The following POLK variants were observed in gnomAD, a reference collection of about 807,000 sequenced individuals.
POLK encodes DNA polymerase kappa, also known as polymerase (DNA directed) kappa.
A neutral mutation model predicts 94.0 loss-of-function variants in POLK; 76 were observed. That is an observed-to-expected ratio of 0.81 (90% CI 0.67 to 0.98). The LOEUF is 0.98. Among genes scored for constraint, POLK ranks in the 50% least tolerant of loss-of-function variants. POLK has a pLI of 0.00. For synonymous variants in POLK, 349 were observed against 325.4 expected (o/e 1.07, Z -0.78); for missense variants, 954 against 1,010.1 (o/e 0.94, Z 0.75).
chr5:75,579,768 G>A (rs1054891933), intron 6 of POLK, among the ~76,000 whole-genome samples: 2 of 151,880 alleles, frequency 1.3e-5, no homozygotes, highest in East Asian at 1.9e-4. Flanking sequence ...GCTTATTGGC[G>A]AGGCAAGGTG....
chr5:75,587,750 G>C (rs1347176440), intron 10 of POLK, among the ~76,000 whole-genome samples: 1 of 152,110 alleles, frequency 6.6e-6, no homozygotes, highest in East Asian at 1.9e-4. Context: ...GCAAAACCCT[G>C]ACTCTACTAA....
the POLK span, among the ~76,000 whole-genome samples, chr5:75,606,607 C>T: frequency 3.4e-5 from 5 of 148,942 alleles, no homozygotes; most frequent in South Asian, 2.2e-4. Flanking sequence ...CATCCTGCAC[C>T]GCCCTTAATC....
downstream of POLK, among the ~76,000 whole-genome samples, chr5:75,601,844 G>A (rs1292958410): frequency 6.6e-6 from 1 of 152,086 alleles, no homozygotes; most frequent in Non-Finnish European, 1.5e-5. Context: ...GATTGTGTGA[G>A]TCAATTTTCC....
In POLK at chr5:75,581,470, G is replaced by A. The variant is rs574167182; in HGVS notation, c.934+22G>A. The A allele has an allele frequency of 1.9e-6, 3 of 1,598,392 alleles. No individual in the cohort carries two copies. The South Asian group carries it at 3.3e-5, about 18-fold the overall frequency. ...GCAGGTATTTAAAAGAGTATTGATG[G>A]CCACTGTAGTTATAATTTTCAGACT... is the stretch of plus-strand genomic sequence containing the variant. On this transcript the variant is annotated intron_variant, in intron 7 of 14. Coordinates refer to ENST00000241436, the Ensembl canonical transcript of POLK.
At chr5:75,578,845 C>T (rs2112808201) in intron 6 of POLK, among the ~76,000 whole-genome samples, 1 of 152,272 alleles carries the variant, frequency 6.6e-6, no homozygotes, top group East Asian at 1.9e-4. Flanking sequence ...GTTTACTCTC[C>T]CATGTAAATC....
At chr5:75,583,386 T>C (rs1481902736) in exon 8 of POLK, 1 of 1,604,580 alleles carries the variant, frequency 6.2e-7, no homozygotes, top group Non-Finnish European at 8.5e-7. Context: ...CAAGCTGTGA[T>C]GGACTTCATC....
chr5:75,558,235 GT>G (rs200403831), intron 3 of POLK, among the ~76,000 whole-genome samples: 102 of 134,056 alleles, frequency 7.6e-4, no homozygotes, highest in East Asian at 1.7e-3. Flanking sequence ...TTTTGTTGTT[GT>G]TTTTTTTTTT....
intron 1 of POLK, among the ~76,000 whole-genome samples, chr5:75,527,005 T>G (rs1416812414): frequency 6.6e-6 from 1 of 152,208 alleles, no homozygotes; most frequent in Non-Finnish European, 1.5e-5. Flanking sequence ...GATTTGAGTT[T>G]TAATGTTCAT....
chr5:75,551,013 G>C (rs1375200547), intron 2 of POLK, among the ~76,000 whole-genome samples: 1 of 152,064 alleles, frequency 6.6e-6, no homozygotes, highest in African/African-American at 2.4e-5. Context: ...CTTGAGCCCA[G>C]GAGTTTGAGA....
intron 5 of POLK, 139 bp from the exon 6 acceptor site, chr5:75,576,641 C>T: frequency 2.4e-6 from 1 of 416,388 alleles, no homozygotes; most frequent in Admixed American, 4.4e-5. Flanking sequence ...TTATTTATTC[C>T]TTAAATCCAT....
At chr5:75,547,087 A>T (rs1770062085) in exon 2 of POLK, 2 of 1,521,960 alleles carry the variant, frequency 1.3e-6, no homozygotes, top group Non-Finnish European at 1.8e-6. Flanking sequence ...ATGGGACTTA[A>T]TGATAATAAA....
At chr5:75,511,444 C>T (rs866911687), upstream of POLK, 1 of 1,527,428 alleles carries the variant, frequency 6.5e-7, no homozygotes, top group Non-Finnish European at 8.8e-7. Flanking sequence ...CAGCCGTCAG[C>T]CGCCGCCGCC....
chr5:75,547,090 A>G, exon 2 of POLK: 1 of 1,521,512 alleles, frequency 6.6e-7, no homozygotes, highest in East Asian at 2.3e-5. Flanking sequence ...GGACTTAATG[A>G]TAATAAAGCA....
At chr5:75,518,844 T>C (rs1768439741) in intron 1 of POLK, among the ~76,000 whole-genome samples, 1 of 152,246 alleles carries the variant, frequency 6.6e-6, no homozygotes, top group South Asian at 2.1e-4. Context: ...AGAATATTTT[T>C]AAATTCCCTT....
chr5:75,579,637 C>G (rs537935559), intron 6 of POLK, among the ~76,000 whole-genome samples: 1 of 151,922 alleles, frequency 6.6e-6, no homozygotes, highest in African/African-American at 2.4e-5. Flanking sequence ...GGATTACAGA[C>G]GTGAGCCACC....
chr5:75,559,528 T>TG (rs1770855904), intron 3 of POLK, among the ~76,000 whole-genome samples: 1 of 116,224 alleles, frequency 8.6e-6, no homozygotes, highest in African/African-American at 4.0e-5. Context: ...GTTTTGTTTT[T>TG]TTTTTTTTTT....
intron 3 of POLK, among the ~76,000 whole-genome samples, chr5:75,559,073 CA>C (rs1770799594): frequency 6.6e-6 from 1 of 152,152 alleles, no homozygotes. Context: ...TCAATTGTTT[CA>C]TTTGTTGAGC....
chr5:75,576,167 A>G (rs187917802), intron 5 of POLK, among the ~76,000 whole-genome samples: 74 of 152,254 alleles, frequency 4.9e-4, no homozygotes, highest in Non-Finnish European at 5.9e-5. Context: ...TAAGGTAATC[A>G]TGGAGTACAC....
At chr5:75,571,643 A>G (rs1771606414) in intron 4 of POLK, among the ~76,000 whole-genome samples, 1 of 152,142 alleles carries the variant, frequency 6.6e-6, no homozygotes, top group South Asian at 2.1e-4. Flanking sequence ...ACATTTAGTA[A>G]TCTACCCCAA....
Sources: gnomAD v4.1 joint callset for allele counts (sites outside exome capture counted in the v4.1 genomes callset) on GRCh38, gnomAD v4.1.1 for gene constraint, MANE v1.5 for transcripts, NCBI Gene and HGNC (gene_info 2026-07-23, HGNC 2026-07-21) for gene names.